TMEM183A: variants seen among roughly 807,000 people sequenced by gnomAD.
TMEM183A encodes the protein transmembrane protein 183A.
TMEM183A carries 21 observed loss-of-function variants against 46.7 expected under a neutral mutation model. The observed-to-expected ratio is 0.45, with a 90% CI of 0.32 to 0.65. The LOEUF (loss-of-function observed/expected upper bound fraction) is 0.65, where lower values mean the gene tolerates loss of function less well. Among genes scored for constraint, TMEM183A ranks in the 30% least tolerant of loss-of-function variants. The probability of loss-of-function intolerance (pLI) is 0.04; values close to 1 mark genes in which losing one functional copy is unlikely to be tolerated. For synonymous variants in TMEM183A, 165 were observed against 180.2 expected (o/e 0.92, Z 0.68); for missense variants, 331 against 481.9 (o/e 0.69, Z 2.93).
intron 3 of TMEM183A, among the ~76,000 whole-genome samples, chr1:203,012,215 AACCATTACTCCCCACTCCAT>A (rs1280024863): frequency 2.6e-3 from 204 of 77,556 alleles, no homozygotes; most frequent in African/African-American, 3.6e-3. Flanking sequence ...TTTTTACTTC[AACCATTACTCCCCACTCCAT>A]CACACACACA....
At chr1:203,010,961 T>C (rs1186621205) in intron 3 of TMEM183A, among the ~76,000 whole-genome samples, 2 of 152,260 alleles carry the variant, frequency 1.3e-5, no homozygotes, top group East Asian at 1.9e-4. Context: ...TATAGTCTTT[T>C]GCATGTAGCT....
chr1:203,017,711 G>T, intron 5 of TMEM183A: 2 of 985,312 alleles, frequency 2.0e-6, no homozygotes, highest in Non-Finnish European at 2.4e-6. Flanking sequence ...CCATGTTTCT[G>T]GACTCTAGCT....
At chr1:203,016,659 G>A (rs887508162) in intron 5 of TMEM183A, among the ~76,000 whole-genome samples, 5 of 152,174 alleles carry the variant, frequency 3.3e-5, no homozygotes, top group South Asian at 2.1e-4. Flanking sequence ...GCTATTGCCC[G>A]GCTCTGGTAG....
chr1:203,019,336 C>T (rs1657452523), intron 6 of TMEM183A, among the ~76,000 whole-genome samples: 1 of 152,142 alleles, frequency 6.6e-6, no homozygotes, highest in African/African-American at 2.4e-5. Context: ...CAACCTACTG[C>T]AAAGAGTAAA....
At chr1:203,009,361 A>T (rs1045645892) in intron 3 of TMEM183A, among the ~76,000 whole-genome samples, 1 of 152,260 alleles carries the variant, frequency 6.6e-6, no homozygotes, top group Admixed American at 6.5e-5. Flanking sequence ...AATGAAATGT[A>T]CACAAATGAA....
At position 203,013,426 on chromosome 1, in the gene TMEM183A, A is replaced by G. The variant is rs1656862039; in HGVS notation, c.368-1463A>G. On this transcript the variant is annotated intron_variant, in intron 3 of 7. Coordinates refer to ENST00000367242, the MANE Select transcript of TMEM183A (RefSeq NM_138391.6). The surrounding 1 kb of genome is among the most constrained non-coding windows in gnomAD (Gnocchi z 4.0). ...TGTGTATTACCTGAACCTGAGAAGT[A>G]TAGTGGACATCAAGGTCAAGAGAAT... Among the ~76,000 whole-genome samples the G allele has an allele frequency of 6.6e-6, 1 of 152,186 alleles. No homozygotes were observed. The highest frequency in any genetic ancestry group is 2.4e-5 in the African/African-American group (1 of 41,462).
rs908793434 is a variant in TMEM183A, at chr1:203,020,665, T to C, written c.790-128T>C. 5 of 1,170,742 alleles carry C rather than the reference T, an allele frequency of 4.3e-6. No homozygotes were observed. In the African/African-American group the frequency reaches 7.8e-5, roughly 18 times the overall value. The allele number at this position is 1,170,742 out of a possible 1,614,324, so 72.5% of individuals were successfully genotyped here. The stretch of plus-strand genomic sequence containing the variant: ...TTTCTTTGATCTCTGTATAGAAACA[T>C]GTATAAAGAGAGAAGATAAAAGTGT... On this transcript the variant is annotated intron_variant, in intron 6 of 7. Transcript: ENST00000367242.
At chr1:203,021,030 T>C (rs1214234513) in intron 7 of TMEM183A, 82 bp downstream of exon 7, 1 of 1,019,784 alleles carries the variant, frequency 9.8e-7, no homozygotes, top group Non-Finnish European at 1.3e-6. Flanking sequence ...CGCAGCTCTT[T>C]TTTTTTTTTT....
rs537907440 is a variant in TMEM183A at position 203,013,516 on chromosome 1, T to C, written c.368-1373T>C. Among the ~76,000 whole-genome samples the C allele has an allele frequency of 3.1e-4, 43 of 140,412 alleles. 1 individual carries two copies. The highest frequency in any genetic ancestry group is 1.1e-3 in the African/African-American group (43 of 37,690). The allele number at this position is 140,412 out of a possible 152,430, so 92.1% of individuals were successfully genotyped here. On this transcript the variant is annotated intron_variant, in intron 3 of 7. Transcript: ENST00000367242. This position sits in a 1 kb window ranked among gnomAD's most constrained non-coding sequence, Gnocchi z 4.0. ...CTGAAGAAGGAAGAGATAGGGACAC[T>C]TTTTTTTTTTTTTGAGATAGAGTTT...
chr1:203,009,337 TA>T (rs1218758508), intron 3 of TMEM183A, among the ~76,000 whole-genome samples: 2 of 152,216 alleles, frequency 1.3e-5, no homozygotes, highest in African/African-American at 4.8e-5. Context: ...GTGATTTTTT[TA>T]TATCCTAATG....
intron 3 of TMEM183A, among the ~76,000 whole-genome samples, chr1:203,009,137 T>C (rs1401317294): frequency 6.6e-6 from 1 of 152,214 alleles, no homozygotes; most frequent in Non-Finnish European, 1.5e-5. Flanking sequence ...AAAAGGCCTT[T>C]GCATTTCTGG....
intron 5 of TMEM183A, 97 bp downstream of exon 5, chr1:203,016,237 T>C (rs1422049670): frequency 6.4e-7 from 1 of 1,559,926 alleles, no homozygotes; most frequent in South Asian, 1.1e-5. Context: ...GGGAGGGGTG[T>C]AGGTCCCAGG....
Position 203,023,550 on chromosome 1 carries a change from C to G in TMEM183A, c.*510C>G, listed in dbSNP as rs1657918276. 6.5e-6 allele frequency: 1 copy of G among 152,960 alleles called. No homozygotes were observed. Among genetic ancestry groups the G allele is most frequent in the East Asian group, 1.9e-4 (1 of 5,200 alleles). The allele number at this position is 152,960 out of a possible 1,614,324, so 9.5% of individuals were successfully genotyped here. ...GGTTTTCAGAATCTTACCATATTGACTTGTGTATCTTTTTTAAAAAATAAT... is the reference window on the plus strand; with the variant it reads ...GGTTTTCAGAATCTTACCATATTGAGTTGTGTATCTTTTTTAAAAAATAAT... On this transcript the variant is annotated 3_prime_UTR_variant, in exon 8 of 8. Coordinates refer to ENST00000367242, the MANE Select transcript of TMEM183A (RefSeq NM_138391.6).
intron 3 of TMEM183A, among the ~76,000 whole-genome samples, chr1:203,011,614 G>A (rs1389849101): frequency 6.6e-6 from 1 of 152,044 alleles, no homozygotes; most frequent in Middle Eastern, 3.2e-3. Flanking sequence ...TCTCCATATT[G>A]GTCAGGCTGG....
rs1357632019 is a variant in TMEM183A at position 203,016,278 on chromosome 1, T to TC, written c.708+139dup. On this transcript the variant is annotated intron_variant, in intron 5 of 7. Coordinates refer to ENST00000367242, the MANE Select transcript of TMEM183A (RefSeq NM_138391.6). ...AGGGGACTAATGTAAACTTCAGGGC[T>TC]CAGAGATTTCACTTCTCCAAGACCT... is the stretch of plus-strand genomic sequence containing the variant. 3.2e-6 allele frequency: 4 copies of TC among 1,234,662 alleles called. No individual in the cohort carries two copies. The African/African-American group carries it at 6.0e-5, about 19-fold the overall frequency. 76.5% of individuals were successfully genotyped at this position (1,234,662 alleles called of 1,614,324 possible).
rs1240441020 is a variant in TMEM183A, at chr1:203,024,479, C to T, written c.*1439C>T. ...CTTGTGAGGCAAACTGCTAAATTCA[C>T]ATTTTTGTTTTTTTTTTTTTACCAT... is the stretch of plus-strand genomic sequence containing the variant. On this transcript the variant is annotated 3_prime_UTR_variant, in exon 8 of 8. Transcript: ENST00000367242. The T allele has an allele frequency of 9.0e-6, 1 of 111,688 alleles. No individual in the cohort carries two copies. The highest frequency in any genetic ancestry group is 1.9e-5 in the Non-Finnish European group (1 of 52,536). The allele number at this position is 111,688 out of a possible 1,614,324, so 6.9% of individuals were successfully genotyped here.
rs1656917922 is a variant in TMEM183A at position 203,013,966 on chromosome 1, G to A, written c.368-923G>A. On this transcript the variant is annotated intron_variant, in intron 3 of 7. Transcript: ENST00000367242. The surrounding 1 kb of genome is among the most constrained non-coding windows in gnomAD (Gnocchi z 4.0). ...GATGGAGTTTCACCATGTTGGCCAG[G>A]ATGGTCTCGATCTCTTGACCTCGTG... Among the ~76,000 whole-genome samples the A allele has an allele frequency of 6.6e-6, 1 of 151,854 alleles. No individual in the cohort carries two copies. Among genetic ancestry groups the A allele is most frequent in the Non-Finnish European group, 1.5e-5 (1 of 67,984 alleles).
chr1:203,007,700 C>A, intron 1 of TMEM183A, 74 bp from the exon 2 acceptor site: 3 of 1,591,850 alleles, frequency 1.9e-6, no homozygotes, highest in Admixed American at 1.7e-5. Context: ...GGGCCTGCAG[C>A]GAGGAGGAGG....
intron 6 of TMEM183A, among the ~76,000 whole-genome samples, chr1:203,019,895 G>A (rs925917483): frequency 6.6e-6 from 1 of 151,968 alleles, no homozygotes; most frequent in African/African-American, 2.4e-5. Flanking sequence ...ATATTCTTAT[G>A]TGGAATTATG....
Sources: gnomAD v4.1 joint callset for allele counts (sites outside exome capture counted in the v4.1 genomes callset) on GRCh38, gnomAD v4.1.1 for gene constraint, Gnocchi (gnomAD v3.1) non-coding constraint, MANE v1.5 for transcripts, NCBI Gene and HGNC (gene_info 2026-07-23, HGNC 2026-07-21) for gene names.